Variants in TUB observed in about 807,000 individuals in gnomAD.
TUB encodes the protein tubby protein homolog.
TUB carries 33 observed loss-of-function variants against 59.7 expected under a neutral mutation model. The observed-to-expected ratio is 0.55, with a 90% CI of 0.42 to 0.74. The LOEUF is 0.74. TUB is among the 30% of genes least tolerant of loss of function. The pLI is 0.00. For missense variants in TUB, 659 were observed against 672.0 expected, an observed-to-expected ratio of 0.98 and a Z score of 0.21; for synonymous variants, 293 against 256.4, an observed-to-expected ratio of 1.14 and a Z score of -1.36.
rs1944412247 is a variant in TUB at position 8,103,982 on chromosome 11, G to A, written c.*2363G>A. ...GGCTGAGCTTTCTAGCCTAAGTGTGGAGAAGGATAGCCTCAGCCACAAAAC... is the reference window on the plus strand; with the variant it reads ...GGCTGAGCTTTCTAGCCTAAGTGTGAAGAAGGATAGCCTCAGCCACAAAAC... On this transcript the variant is annotated 3_prime_UTR_variant, in exon 12 of 12. Transcript: ENST00000299506. The A allele has an allele frequency of 6.6e-6, 1 of 152,350 alleles. No individual in the cohort carries two copies. Among genetic ancestry groups the A allele is most frequent in the South Asian group, 2.1e-4 (1 of 4,824 alleles). The allele number at this position is 152,350 out of a possible 1,614,324, so 9.4% of individuals were successfully genotyped here.
Position 8,055,645 on chromosome 11 carries a change from G to A in TUB, c.203+15953G>A, listed in dbSNP as rs183077459. 1.6e-4 allele frequency among the ~76,000 whole-genome samples: 24 copies of A among 152,370 alleles called. 1 individual carries two copies. Among genetic ancestry groups the A allele is most frequent in the Admixed American group, 1.6e-3 (24 of 15,310 alleles). ...TCAGCTCTGCTGCTGATGGGCTGGG[G>A]GTGGGGGCAAGGACAGGGCAAGAGT... On this transcript the variant is annotated intron_variant, in intron 2 of 12. Transcript: ENST00000305253.
intron 1 of TUB, among the ~76,000 whole-genome samples, chr11:8,020,477 C>G (rs1184804104): frequency 6.6e-6 from 1 of 152,114 alleles, no homozygotes; most frequent in African/African-American, 2.4e-5. Context: ...AGTCTCGCCC[C>G]GTATTAATCC....
chr11:8,063,481 T>G (rs899628132), intron 2 of TUB, among the ~76,000 whole-genome samples: 1 of 152,330 alleles, frequency 6.6e-6, no homozygotes, highest in Admixed American at 6.5e-5. Context: ...ATTCGGTTTA[T>G]TTCCCGTCTT....
At chr11:8,083,204 G>A (rs1943603677) in intron 1 of TUB, among the ~76,000 whole-genome samples, 1 of 152,220 alleles carries the variant, frequency 6.6e-6, no homozygotes, top group Non-Finnish European at 1.5e-5. Context: ...GGTGCTTGTG[G>A]GCTGAGTGGA....
chr11:8,095,273 C>G (rs1943936177), intron 4 of TUB, among the ~76,000 whole-genome samples: 1 of 152,172 alleles, frequency 6.6e-6, no homozygotes, highest in African/African-American at 2.4e-5. Context: ...CAACCCTCGG[C>G]AATTAATTTG....
chr11:8,049,101 C>T (rs557020402), intron 2 of TUB, among the ~76,000 whole-genome samples: 11 of 152,298 alleles, frequency 7.2e-5, no homozygotes, highest in African/African-American at 2.6e-4. Context: ...GCTTTGCCAT[C>T]CTCTCTCTTC....
At chr11:8,021,212 C>T (rs1482863354) in intron 1 of TUB, among the ~76,000 whole-genome samples, 1 of 152,190 alleles carries the variant, frequency 6.6e-6, no homozygotes, top group Non-Finnish European at 1.5e-5. Context: ...CCTGTAATCC[C>T]AGTACTTTGG....
chr11:8,023,675 A>G (rs1340409916), intron 1 of TUB, among the ~76,000 whole-genome samples: 1 of 152,234 alleles, frequency 6.6e-6, no homozygotes, highest in African/African-American at 2.4e-5. Context: ...TCTAGTCAGC[A>G]TCCACAAGCC....
At chr11:8,023,148 G>A (rs1486624552) in intron 1 of TUB, among the ~76,000 whole-genome samples, 2 of 152,162 alleles carry the variant, frequency 1.3e-5, no homozygotes, top group Non-Finnish European at 2.9e-5. Context: ...GTCTCACTCA[G>A]GTTGGCACAC....
intron 2 of TUB, among the ~76,000 whole-genome samples, chr11:8,074,081 A>G (rs966942330): frequency 1.1e-4 from 15 of 141,706 alleles, no homozygotes; most frequent in African/African-American, 3.6e-4. Context: ...GTTACTATAT[A>G]TATGGGTTTT....
intron 4 of TUB, among the ~76,000 whole-genome samples, chr11:8,094,611 T>G (rs1367539149): frequency 6.6e-6 from 1 of 152,194 alleles, no homozygotes; most frequent in Non-Finnish European, 1.5e-5. Flanking sequence ...CTTCGTATAA[T>G]GTGGACTTCC....
exon 1 of TUB, chr11:8,039,017 C>T (rs1219260757): frequency 3.1e-6 from 5 of 1,612,932 alleles, no homozygotes; most frequent in Admixed American, 1.7e-5. Flanking sequence ...AACGGGGCCA[C>T]CGAAGAGATC....
chr11:8,064,823 T>C (rs1259946258), intron 2 of TUB, among the ~76,000 whole-genome samples: 1 of 152,172 alleles, frequency 6.6e-6, no homozygotes, highest in African/African-American at 2.4e-5. Context: ...CAGACATGGC[T>C]GGTGGGGCAG....
intron 2 of TUB, among the ~76,000 whole-genome samples, chr11:8,064,254 C>T (rs149219128): frequency 7.9e-4 from 121 of 152,278 alleles, no homozygotes; most frequent in Admixed American, 2.2e-3. Context: ...AACCCGTGGC[C>T]CCATGCTTGT....
At chr11:8,043,760 C>T (rs1942788551) in intron 2 of TUB, among the ~76,000 whole-genome samples, 1 of 151,884 alleles carries the variant, frequency 6.6e-6, no homozygotes, top group African/African-American at 2.4e-5. Context: ...GATCTTGTAT[C>T]CTGCAAACTT....
intron 2 of TUB, among the ~76,000 whole-genome samples, chr11:8,062,718 C>T (rs1015619433): frequency 4.6e-5 from 7 of 152,162 alleles, no homozygotes; most frequent in Non-Finnish European, 5.9e-5. Context: ...TTCCCAGGCT[C>T]TGCCCACAGG....
At position 8,100,927 on chromosome 11, in the gene TUB, T is replaced by C. The variant is rs750417166; in HGVS notation, c.1317T>C (p.Tyr439=). Residue 439 remains tyrosine, a synonymous_variant, in exon 11 of 12, where the codon TAT becomes TAC. Coordinates refer to ENST00000299506, the MANE Select transcript of TUB (RefSeq NM_177972.3). ...TPVWNDDTQS[Y]VLNFHGRVTQ... ...TCTGGAATGATGACACACAGTCCTA[T>C]GTACTCAACTTCCATGGGCGCGTCA... is the stretch of plus-strand genomic sequence containing the variant. The C allele has an allele frequency of 8.1e-6, 13 of 1,614,160 alleles. No individual in the cohort carries two copies. Among genetic ancestry groups the C allele is most frequent in the East Asian group, 2.2e-5 (1 of 44,878 alleles).
chr11:8,046,227 G>A (rs868321343), intron 2 of TUB, among the ~76,000 whole-genome samples: 1 of 152,124 alleles, frequency 6.6e-6, no homozygotes, highest in African/African-American at 2.4e-5. Flanking sequence ...TCATTGCCTT[G>A]CACCACCTTT....
At chr11:8,075,424 T>C (rs1417296664) in intron 2 of TUB, 1 of 152,248 alleles carries the variant, frequency 6.6e-6, no homozygotes, top group Middle Eastern at 3.2e-3. Flanking sequence ...TTTTAGTTGC[T>C]TCATTTGTAA....
Sources: gnomAD v4.1 joint callset for allele counts (sites outside exome capture counted in the v4.1 genomes callset) on GRCh38, gnomAD v4.1.1 for gene constraint, MANE v1.5 for transcripts, NCBI Gene and HGNC (gene_info 2026-07-23, HGNC 2026-07-21) for gene names.